The following NCK1 variants were observed in gnomAD, a reference collection of about 807,000 sequenced individuals.
NCK1 encodes the protein SH2/SH3 adapter protein NCK1.
A neutral mutation model predicts 36.6 loss-of-function variants in NCK1; 19 were observed. The observed-to-expected ratio is 0.52, with a 90% CI of 0.36 to 0.76. NCK1 has a LOEUF of 0.76. Ranked by LOEUF, NCK1 falls within the 30% of genes least tolerant of loss-of-function variation. The pLI is 0.00. For synonymous variants in NCK1, 165 were observed against 156.0 expected (o/e 1.06, Z -0.43); for missense variants, 358 against 445.6 (o/e 0.80, Z 1.77).
rs113314410 is a variant in NCK1 at position 136,906,468 on chromosome 3, G to A, written c.-18-21516G>A. Among the ~76,000 whole-genome samples, 456 of 152,244 alleles carry A rather than the reference G, an allele frequency of 3.0e-3. 1 individual carries two copies. The highest frequency in any genetic ancestry group is 9.6e-3 in the African/African-American group (398 of 41,546). ...AGTAGGCCAGCTCTCAGGCCCCAGT[G>A]GTGGCACCAGTGGGTTGAAATTGCC... is the stretch of plus-strand genomic sequence containing the variant. On this transcript the variant is annotated intron_variant, in intron 1 of 3. Transcript: ENST00000481752.
At chr3:136,948,068 C>T (rs1226087875) in intron 3 of NCK1, among the ~76,000 whole-genome samples, 191 bp from the exon 4 acceptor site, 1 of 151,978 alleles carries the variant, frequency 6.6e-6, no homozygotes, top group Non-Finnish European at 1.5e-5. Flanking sequence ...TTAATAGCTT[C>T]TTTGAGACTC....
chr3:136,904,084 C>T (rs1939617007), intron 1 of NCK1, among the ~76,000 whole-genome samples: 1 of 152,044 alleles, frequency 6.6e-6, no homozygotes, highest in African/African-American at 2.4e-5. Context: ...TTATTTCTTA[C>T]TCATTTATGA....
chr3:136,906,337 T>G (rs1410768988), intron 1 of NCK1, among the ~76,000 whole-genome samples: 2 of 152,158 alleles, frequency 1.3e-5, no homozygotes, highest in Non-Finnish European at 2.9e-5. Context: ...CTCGAACTCC[T>G]GAGCTCAAGT....
intron 1 of NCK1, among the ~76,000 whole-genome samples, chr3:136,910,788 C>A (rs1176665824): frequency 1.3e-5 from 2 of 152,170 alleles, no homozygotes; most frequent in Non-Finnish European, 2.9e-5. Context: ...CATAACGAGA[C>A]ATTTAAAATG....
At chr3:136,922,614 A>G (rs939856559) in intron 1 of NCK1, among the ~76,000 whole-genome samples, 2 of 152,242 alleles carry the variant, frequency 1.3e-5, no homozygotes, top group Admixed American at 1.3e-4. Context: ...AATAAGAGAA[A>G]TACAAATTAC....
At chr3:136,862,799 G>C (rs1938276001) in intron 1 of NCK1, among the ~76,000 whole-genome samples, 1 of 152,258 alleles carries the variant, frequency 6.6e-6, no homozygotes, top group African/African-American at 2.4e-5. Flanking sequence ...AGCCCGAGAG[G>C]AGGGGAGGCG....
At chr3:136,911,886 T>G (rs1939834757) in intron 1 of NCK1, among the ~76,000 whole-genome samples, 1 of 152,232 alleles carries the variant, frequency 6.6e-6, no homozygotes, top group South Asian at 2.1e-4. Context: ...ATTCTCCCCT[T>G]TGGTAGTTAA....
At chr3:136,877,559 A>T (rs1354254420) in intron 1 of NCK1, among the ~76,000 whole-genome samples, 3 of 152,200 alleles carry the variant, frequency 2.0e-5, no homozygotes, top group African/African-American at 7.2e-5. Flanking sequence ...CTAAATAAAG[A>T]TGGCTGAGTG....
chr3:136,883,712 C>T (rs2108080414), intron 1 of NCK1, among the ~76,000 whole-genome samples: 1 of 152,214 alleles, frequency 6.6e-6, no homozygotes, highest in African/African-American at 2.4e-5. Context: ...ATAGAACCGA[C>T]TGAAATGGAG....
At chr3:136,897,278 T>C (rs1029021273) in intron 1 of NCK1, among the ~76,000 whole-genome samples, 1 of 151,852 alleles carries the variant, frequency 6.6e-6, no homozygotes, top group Non-Finnish European at 1.5e-5. Context: ...TTAGTAGAGA[T>C]GGGGTTTTGC....
chr3:136,909,834 C>G (rs1029974401), intron 1 of NCK1, among the ~76,000 whole-genome samples: 5 of 152,040 alleles, frequency 3.3e-5, no homozygotes, highest in Non-Finnish European at 7.4e-5. Flanking sequence ...AGTATCCTTC[C>G]TTGTCTCTTA....
intron 2 of NCK1, among the ~76,000 whole-genome samples, chr3:136,932,229 G>T (rs1940411571): frequency 6.6e-6 from 1 of 152,044 alleles, no homozygotes; most frequent in Admixed American, 6.6e-5. Flanking sequence ...GAAGTTGATA[G>T]TTAATGCATT....
At chr3:136,893,438 T>G (rs1317273079) in intron 1 of NCK1, among the ~76,000 whole-genome samples, 1 of 152,070 alleles carries the variant, frequency 6.6e-6, no homozygotes, top group African/African-American at 2.4e-5. Context: ...TGGCCATTTG[T>G]GTATCTTCGT....
intron 2 of NCK1, among the ~76,000 whole-genome samples, chr3:136,930,797 T>G (rs1232800877): frequency 6.6e-6 from 1 of 152,224 alleles, no homozygotes; most frequent in Non-Finnish European, 1.5e-5. Flanking sequence ...TTAAAATGTT[T>G]TAGCATGAAT....
At chr3:136,927,278 A>C (rs550639184) in intron 1 of NCK1, among the ~76,000 whole-genome samples, 1 of 151,192 alleles carries the variant, frequency 6.6e-6, no homozygotes, top group East Asian at 2.0e-4. Flanking sequence ...GGCCGTTTTT[A>C]TTTCTTTGTT....
intron 1 of NCK1, among the ~76,000 whole-genome samples, chr3:136,877,883 G>T (rs1291175668): frequency 6.6e-6 from 1 of 152,120 alleles, no homozygotes; most frequent in Non-Finnish European, 1.5e-5. Flanking sequence ...TTAAGAAGCA[G>T]CTCAGTCATA....
At chr3:136,916,418 T>C (rs1321521928) in intron 1 of NCK1, among the ~76,000 whole-genome samples, 1 of 152,152 alleles carries the variant, frequency 6.6e-6, no homozygotes, top group Non-Finnish European at 1.5e-5. Context: ...AGTAATGTAT[T>C]CATGAGGTAT....
intron 1 of NCK1, among the ~76,000 whole-genome samples, chr3:136,870,455 C>T (rs1938580727): frequency 6.6e-6 from 1 of 151,634 alleles, no homozygotes; most frequent in Admixed American, 6.6e-5. Flanking sequence ...ATGTTGTGTA[C>T]CTTGTAATTA....
At chr3:136,906,876 C>T (rs988781128) in intron 1 of NCK1, among the ~76,000 whole-genome samples, 1 of 152,040 alleles carries the variant, frequency 6.6e-6, no homozygotes, top group African/African-American at 2.4e-5. Context: ...GCTAGGTGAT[C>T]GCCAGGCCCA....
Sources: gnomAD v4.1 joint callset for allele counts (sites outside exome capture counted in the v4.1 genomes callset) on GRCh38, gnomAD v4.1.1 for gene constraint, MANE v1.5 for transcripts, NCBI Gene and HGNC (gene_info 2026-07-23, HGNC 2026-07-21) for gene names.